Variants in GRM7 observed in about 807,000 individuals in gnomAD.
GRM7 encodes metabotropic glutamate receptor 7.
Under a neutral mutation model 84.5 loss-of-function variants are expected in GRM7, and 35 were observed. The observed-to-expected ratio is 0.41, with a 90% CI of 0.32 to 0.55. GRM7 has a LOEUF of 0.55. GRM7 is among the 20% of genes least tolerant of loss of function. The pLI is 0.19. For missense variants in GRM7, 1,003 were observed against 1,194.6 expected, an observed-to-expected ratio of 0.84 and a Z score of 2.36; for synonymous variants, 487 against 455.1, an observed-to-expected ratio of 1.07 and a Z score of -0.89.
chr3:7,695,786 G>T (rs543968307), intron 9 of GRM7, among the ~76,000 whole-genome samples: 1 of 152,270 alleles, frequency 6.6e-6, no homozygotes, highest in African/African-American at 2.4e-5. Flanking sequence ...TATATGACAT[G>T]ATGCTTAAAA....
intron 2 of GRM7, among the ~76,000 whole-genome samples, chr3:7,254,996 A>G (rs1227922779): frequency 6.6e-6 from 1 of 152,232 alleles, no homozygotes; most frequent in Admixed American, 6.5e-5. Flanking sequence ...GTATTGCTAG[A>G]CAGGTTTTGA....
intron 1 of GRM7, among the ~76,000 whole-genome samples, chr3:7,131,204 G>A (rs1693587455): frequency 6.6e-6 from 1 of 152,122 alleles, no homozygotes; most frequent in African/African-American, 2.4e-5. Flanking sequence ...TTACCAAAGT[G>A]AGTAAAGTTC....
At chr3:6,961,992 TG>T (rs1693319683) in intron 1 of GRM7, among the ~76,000 whole-genome samples, 1 of 152,032 alleles carries the variant, frequency 6.6e-6, no homozygotes, top group Admixed American at 6.5e-5. Context: ...AAAAACTCCT[TG>T]AAAGAAATAG....
At chr3:7,076,640 A>C (rs1023033418) in intron 1 of GRM7, among the ~76,000 whole-genome samples, 5 of 152,054 alleles carry the variant, frequency 3.3e-5, no homozygotes, top group South Asian at 2.1e-4. Flanking sequence ...CTAATGCAGC[A>C]CCCCAATGGA....
chr3:7,074,294 C>T (rs563725998), intron 1 of GRM7, among the ~76,000 whole-genome samples: 1 of 152,032 alleles, frequency 6.6e-6, no homozygotes, highest in African/African-American at 2.4e-5. Flanking sequence ...ACTCAGTAAA[C>T]CCTGTAAGCA....
chr3:7,110,863 C>A (rs1465564802), intron 1 of GRM7, among the ~76,000 whole-genome samples: 2 of 151,858 alleles, frequency 1.3e-5, no homozygotes, highest in Non-Finnish European at 2.9e-5. Context: ...CAGATGAACA[C>A]AGATGAGGAA....
intron 4 of GRM7, among the ~76,000 whole-genome samples, chr3:7,320,526 G>A (rs1700737514): frequency 6.6e-6 from 1 of 151,970 alleles, no homozygotes; most frequent in Non-Finnish European, 1.5e-5. Context: ...TCCAGATATA[G>A]AGAGGATCCT....
intron 3 of GRM7, among the ~76,000 whole-genome samples, chr3:7,301,010 C>CT (rs1050133030): frequency 5.9e-5 from 9 of 152,072 alleles, no homozygotes; most frequent in Admixed American, 2.6e-4. Context: ...CAATAAGCTT[C>CT]TTTTTTTTCT....
chr3:6,989,229 G>C (rs939136489), intron 1 of GRM7, among the ~76,000 whole-genome samples: 25 of 152,298 alleles, frequency 1.6e-4, no homozygotes, highest in Admixed American at 1.4e-3. Context: ...TGGTTCAAAA[G>C]AAATTATGTA....
At chr3:7,235,381 C>T (rs1172902775) in intron 2 of GRM7, among the ~76,000 whole-genome samples, 2 of 152,202 alleles carry the variant, frequency 1.3e-5, no homozygotes, top group Non-Finnish European at 2.9e-5. Flanking sequence ...TCTTTCACTT[C>T]TTAAGCATCT....
chr3:6,913,593 C>A (rs574231249), intron 1 of GRM7, among the ~76,000 whole-genome samples: 1 of 152,264 alleles, frequency 6.6e-6, no homozygotes, highest in East Asian at 1.9e-4. Context: ...TACTGAATTT[C>A]TGACTATTTG....
rs1362539130 is a variant in GRM7 at position 6,861,158 on chromosome 3, C to G, written c.-231C>G. The G allele has an allele frequency of 2.3e-6, 1 of 435,540 alleles. No individual in the cohort carries two copies. Among genetic ancestry groups the G allele is most frequent in the Non-Finnish European group, 4.0e-6 (1 of 249,864 alleles). The allele number at this position is 435,540 out of a possible 1,614,324, so 27.0% of individuals were successfully genotyped here. ...AGAGCGAGCAGCAAGCCGGTGAGCG[C>G]GAGCGCGGCGCGCCGGCCGGCTAAC... On this transcript the variant is annotated 5_prime_UTR_variant, in exon 1 of 10. Transcript: ENST00000357716. This position sits in a 1 kb window ranked among gnomAD's most constrained non-coding sequence, Gnocchi z 6.4.
At chr3:6,915,083 G>C (rs984726167) in intron 1 of GRM7, among the ~76,000 whole-genome samples, 25 of 152,084 alleles carry the variant, frequency 1.6e-4, no homozygotes, top group African/African-American at 5.8e-4. Context: ...TACTGCTCCA[G>C]GTCCTTATTG....
chr3:7,172,087 T>C (rs941321929), intron 2 of GRM7, among the ~76,000 whole-genome samples: 1 of 152,334 alleles, frequency 6.6e-6, no homozygotes, highest in South Asian at 2.1e-4. Flanking sequence ...CATTTCCATG[T>C]ATATTGTTTT....
chr3:7,162,728 CATTTTTTT>C (rs1694665216), intron 2 of GRM7, among the ~76,000 whole-genome samples: 1 of 57,102 alleles, frequency 1.8e-5, no homozygotes, highest in African/African-American at 5.2e-5. Flanking sequence ...TCCCATTTTT[CATTTTTTT>C]TTTTTTTTTT....
intron 1 of GRM7, among the ~76,000 whole-genome samples, chr3:7,046,672 A>G (rs1696817458): frequency 6.6e-6 from 1 of 152,040 alleles, no homozygotes; most frequent in African/African-American, 2.4e-5. Flanking sequence ...TTACTCTAAG[A>G]GTTAAGTGAG....
chr3:7,369,307 ACT>A (rs776803495), intron 4 of GRM7, among the ~76,000 whole-genome samples: 11 of 152,016 alleles, frequency 7.2e-5, no homozygotes, highest in Non-Finnish European at 1.5e-4. Context: ...TAAAGAGATG[ACT>A]CTGATGTTGT....
chr3:7,140,221 C>G (rs1281325936), intron 1 of GRM7, among the ~76,000 whole-genome samples: 4 of 151,988 alleles, frequency 2.6e-5, no homozygotes, highest in Non-Finnish European at 5.9e-5. Context: ...GATGTCTCAT[C>G]TTTCTCATGA....
intron 7 of GRM7, among the ~76,000 whole-genome samples, chr3:7,469,883 C>A (rs527613686): frequency 6.6e-6 from 1 of 152,096 alleles, no homozygotes; most frequent in East Asian, 1.9e-4. Flanking sequence ...GATGCGAGAC[C>A]CCAAACTGAT....
Sources: gnomAD v4.1 joint callset for allele counts (sites outside exome capture counted in the v4.1 genomes callset) on GRCh38, gnomAD v4.1.1 for gene constraint, Gnocchi (gnomAD v3.1) non-coding constraint, MANE v1.5 for transcripts, NCBI Gene and HGNC (gene_info 2026-07-23, HGNC 2026-07-21) for gene names.